TSPAN4: variants seen among roughly 807,000 people sequenced by gnomAD.
The protein encoded by TSPAN4 is tetraspanin 4, also known as tetraspanin-4.
TSPAN4 carries 38 observed loss-of-function variants against 31.5 expected under a neutral mutation model. The ratio of observed to expected loss-of-function variants is 1.21; its 90% CI spans 0.93 to 1.58. The LOEUF (loss-of-function observed/expected upper bound fraction) is 1.58. Among genes scored for constraint, TSPAN4 ranks in the 40% most tolerant of loss-of-function variants. TSPAN4 has a pLI of 0.00. For synonymous variants in TSPAN4, 186 were observed against 144.6 expected (o/e 1.29, Z -2.06); for missense variants, 330 against 317.3 (o/e 1.04, Z -0.30).
At chr11:858,843 AT>A (rs1848225790) in intron 3 of TSPAN4, among the ~76,000 whole-genome samples, 1 of 48,816 alleles carries the variant, frequency 2.0e-5, no homozygotes, top group African/African-American at 8.6e-5. Context: ...CCCGGCTCGC[AT>A]CCTGGGCTCC....
intron 3 of TSPAN4, chr11:857,650 G>A (rs35570910): frequency 0.48 from 72,443 of 151,918 alleles, 17,713 homozygotes; most frequent in South Asian, 0.75. Context: ...TGATCTGCCC[G>A]CCTCGGCCTT....
intron 5 of TSPAN4, chr11:865,163 C>T (rs1198792180): frequency 4.0e-5 from 10 of 252,626 alleles, no homozygotes; most frequent in Admixed American, 3.0e-4. Context: ...TATTGGGGAC[C>T]GAGGCCAGGG....
intron 3 of TSPAN4, among the ~76,000 whole-genome samples, chr11:851,310 C>G (rs543974045): frequency 6.6e-6 from 1 of 150,912 alleles, no homozygotes; most frequent in African/African-American, 2.4e-5. Flanking sequence ...CAAGGTCATT[C>G]TGTGCCCTAT....
At chr11:844,543 GC>G (rs919368925) in intron 1 of TSPAN4, 1 of 152,158 alleles carries the variant, frequency 6.6e-6, no homozygotes, top group Non-Finnish European at 1.5e-5. Flanking sequence ...TCCCGACTGG[GC>G]TCTACCTGAG....
Position 864,475 on chromosome 11 carries a change from C to G in TSPAN4, c.294C>G (p.Ala98=). Residue 98 remains alanine (A), a synonymous_variant, in exon 5 of 9, where the codon GCC becomes GCG. Transcript: ENST00000397397. ...TGCTGCTGGTGTTCCTGCTGGAGGC[C>G]ACCATCGCCATCCTCTTCTTCGCCT... ...LLLLLVFLLE[A]TIAILFFAYT... is the part of the protein sequence containing the mutation. 6.2e-7 allele frequency: 1 copy of G among 1,612,846 alleles called. No homozygotes were observed. Among genetic ancestry groups the G allele is most frequent in the African/African-American group, 1.3e-5 (1 of 75,038 alleles).
chr11:850,672 G>C (rs967703262), intron 3 of TSPAN4, among the ~76,000 whole-genome samples: 1 of 152,214 alleles, frequency 6.6e-6, no homozygotes, highest in Non-Finnish European at 1.5e-5. Flanking sequence ...CGTGCGCGCC[G>C]GACAGGGCCA....
At chr11:849,673 G>C (rs1302868795) in intron 2 of TSPAN4, 1 of 151,734 alleles carries the variant, frequency 6.6e-6, no homozygotes, top group Non-Finnish European at 1.5e-5. Flanking sequence ...GGCCGGGGTC[G>C]CGGCTGGTGC....
intron 7 of TSPAN4, 26 bp downstream of exon 7, chr11:865,851 C>G (rs765073239): frequency 6.2e-7 from 1 of 1,612,308 alleles, no homozygotes; most frequent in Non-Finnish European, 8.5e-7. Context: ...ACCCTGGGGG[C>G]TGGTAGGGGC....
intron 1 of TSPAN4, among the ~76,000 whole-genome samples, chr11:846,056 G>A (rs1236992776): frequency 6.6e-6 from 1 of 152,204 alleles, no homozygotes; most frequent in Non-Finnish European, 1.5e-5. Flanking sequence ...TTGTGTTGGC[G>A]GGCCTCCCTA....
At chr11:850,193 C>T (rs1482718786) in intron 2 of TSPAN4, 95 bp from the exon 3 acceptor site, 3 of 1,056,652 alleles carry the variant, frequency 2.8e-6, no homozygotes, top group Admixed American at 2.4e-5. Context: ...TGCACGCGAA[C>T]CCCGGCCCCA....
rs779079333 is a variant in TSPAN4 at position 850,314 on chromosome 11, G to A, written c.10G>A (p.Ala4Thr). 2 of 1,605,710 alleles carry A rather than the reference G, an allele frequency of 1.2e-6. No homozygotes were observed. The highest frequency in any genetic ancestry group is 1.1e-5 in the South Asian group (1 of 90,762). Residue 4 changes from alanine to threonine, a missense_variant, in exon 3 of 9, where the codon GCC becomes ACC. Transcript: ENST00000397397. ...ACTGAAGCGCTGCGGCATGGCGCGC[G>A]CCTGCCTCCAGGCCGTCAAGTACCT... MARACLQAVKYLMF... is the reference protein window; with the variant it reads MARTCLQAVKYLMF...
intron 3 of TSPAN4, among the ~76,000 whole-genome samples, chr11:852,075 C>G (rs1028927859): frequency 6.6e-6 from 1 of 152,158 alleles, no homozygotes; most frequent in Non-Finnish European, 1.5e-5. Context: ...GGAAAGAACA[C>G]ACAAGGAACC....
At chr11:851,817 CGGCAGGCA>C (rs761306313) in intron 3 of TSPAN4, among the ~76,000 whole-genome samples, 1 of 151,710 alleles carries the variant, frequency 6.6e-6, no homozygotes, top group African/African-American at 2.4e-5. Flanking sequence ...TGTGGGGGCC[CGGCAGGCA>C]GGCAGGCAGG....
intron 2 of TSPAN4, among the ~76,000 whole-genome samples, chr11:847,885 G>A (rs1847409660): frequency 6.6e-6 from 1 of 152,136 alleles, no homozygotes; most frequent in South Asian, 2.1e-4. Flanking sequence ...ACAGAGGGAC[G>A]CAGGGGAGAT....
intron 3 of TSPAN4, among the ~76,000 whole-genome samples, chr11:851,960 C>T (rs991212838): frequency 2.5e-5 from 3 of 121,522 alleles, no homozygotes; most frequent in African/African-American, 8.6e-5. Context: ...TGAGAGCAGC[C>T]CGCCCTCATG....
chr11:852,623 C>T (rs1270563092), intron 3 of TSPAN4, among the ~76,000 whole-genome samples: 3 of 152,232 alleles, frequency 2.0e-5, no homozygotes, highest in Non-Finnish European at 2.9e-5. Context: ...CCCTGAGTCA[C>T]TGTGAGCTAA....
intron 3 of TSPAN4, chr11:858,682 T>G (rs1848207438): frequency 1.7e-5 from 2 of 119,822 alleles, no homozygotes; most frequent in South Asian, 2.1e-4. Flanking sequence ...CACCCCAGGC[T>G]CCCACGGACC....
intron 3 of TSPAN4, chr11:858,286 G>C (rs1303974681): frequency 6.5e-6 from 1 of 152,952 alleles, no homozygotes; most frequent in African/African-American, 2.4e-5. Context: ...CCAGCTGCTG[G>C]TGCATCCCAT....
At chr11:859,613 T>G (rs1342290572) in intron 3 of TSPAN4, 1 of 144,964 alleles carries the variant, frequency 6.9e-6, no homozygotes, top group Non-Finnish European at 1.5e-5. Context: ...CATGTACCCC[T>G]GCTCACATGC....
Sources: allele counts gnomAD v4.1 joint callset (sites outside exome capture counted in the v4.1 genomes callset), GRCh38; gene constraint gnomAD v4.1.1; transcripts MANE v1.5; gene names NCBI Gene and HGNC (gene_info 2026-07-23, HGNC 2026-07-21).